Variants in GALNT13 observed in about 807,000 individuals in gnomAD.
GALNT13 encodes the protein polypeptide N-acetylgalactosaminyltransferase 13.
GALNT13 carries 28 observed loss-of-function variants against 64.2 expected under a neutral mutation model. The ratio of observed to expected loss-of-function variants is 0.44; its 90% CI spans 0.32 to 0.60. The LOEUF is 0.60. Among genes scored for constraint, GALNT13 ranks in the 20% least tolerant of loss-of-function variants. The pLI is 0.05. For missense variants in GALNT13, 577 were observed against 669.8 expected, an observed-to-expected ratio of 0.86 and a Z score of 1.53; for synonymous variants, 214 against 224.6, an observed-to-expected ratio of 0.95 and a Z score of 0.42.
the GALNT13 span, among the ~76,000 whole-genome samples, chr2:153,831,252 A>G: frequency 6.6e-6 from 1 of 151,890 alleles, no homozygotes; most frequent in South Asian, 2.1e-4. Flanking sequence ...CAATCCACTT[A>G]TATCTATTAA....
the GALNT13 span, among the ~76,000 whole-genome samples, chr2:153,345,663 C>G: frequency 7.2e-6 from 1 of 138,682 alleles, no homozygotes; most frequent in African/African-American, 2.8e-5. Flanking sequence ...TTCTTTCTTT[C>G]TTTCTTTCTT....
At chr2:153,478,967 G>A in the GALNT13 span, among the ~76,000 whole-genome samples, 94 of 152,248 alleles carry the variant, frequency 6.2e-4, 6 homozygotes, top group Non-Finnish European at 7.3e-5. Context: ...GGTGGAGGAA[G>A]CAAAGGGGCG....
chr2:154,314,560 C>T (rs926808876), intron 9 of GALNT13, among the ~76,000 whole-genome samples: 7 of 152,094 alleles, frequency 4.6e-5, no homozygotes, highest in African/African-American at 9.7e-5. Flanking sequence ...TCAGAATCTG[C>T]CTGGCTTCTG....
In GALNT13 at chr2:154,445,090, T is replaced by A. The variant is rs554624476; in HGVS notation, c.1531-5321T>A. ...CAAGCAAATGAAGACACTAAATAAT[T>A]TTGTGTGTTTTTAAATGAAAAATAA... On this transcript the variant is annotated intron_variant, in intron 12 of 12. Transcript: ENST00000392825. Among the ~76,000 whole-genome samples, 4 of 152,114 alleles carry A rather than the reference T, an allele frequency of 2.6e-5. No homozygotes were observed. The South Asian group carries it at 8.3e-4, about 32-fold the overall frequency.
At chr2:153,970,711 C>T (rs997495514) in intron 3 of GALNT13, among the ~76,000 whole-genome samples, 1 of 152,118 alleles carries the variant, frequency 6.6e-6, no homozygotes, top group Non-Finnish European at 1.5e-5. Flanking sequence ...TCATCAAAAG[C>T]TTTTCTCTTT....
chr2:154,302,754 A>G (rs571354238), intron 9 of GALNT13, among the ~76,000 whole-genome samples: 4 of 152,346 alleles, frequency 2.6e-5, no homozygotes, highest in East Asian at 1.9e-4. Flanking sequence ...CCTAGACTCA[A>G]TAGGAAAGAG....
chr2:154,072,417 G>A (rs998647636), intron 3 of GALNT13, among the ~76,000 whole-genome samples: 58 of 152,038 alleles, frequency 3.8e-4, no homozygotes, highest in African/African-American at 1.4e-3. Flanking sequence ...ACACATTTAT[G>A]TTTAGCTTAT....
chr2:153,894,239 C>T, intron 1 of GALNT13, among the ~76,000 whole-genome samples: 1 of 152,124 alleles, frequency 6.6e-6, no homozygotes, highest in South Asian at 2.1e-4. Context: ...TCTCTCGAGA[C>T]CCCACTTGAG....
chr2:153,681,510 C>A, the GALNT13 span, among the ~76,000 whole-genome samples: 2 of 151,944 alleles, frequency 1.3e-5, no homozygotes, highest in African/African-American at 4.8e-5. Flanking sequence ...TATCTCCCCA[C>A]TCTCTATCAT....
the GALNT13 span, among the ~76,000 whole-genome samples, chr2:153,386,633 C>T: frequency 6.6e-6 from 1 of 151,974 alleles, no homozygotes; most frequent in Non-Finnish European, 1.5e-5. Context: ...CCCATTTGCT[C>T]AGACTTTACT....
chr2:153,719,982 CT>C, the GALNT13 span, among the ~76,000 whole-genome samples: 1 of 151,906 alleles, frequency 6.6e-6, no homozygotes, highest in Non-Finnish European at 1.5e-5. Flanking sequence ...GCCTGCCTGC[CT>C]CTATAGGCTC....
the GALNT13 span, among the ~76,000 whole-genome samples, chr2:153,097,261 C>A: frequency 6.6e-6 from 1 of 151,998 alleles, no homozygotes; most frequent in South Asian, 2.1e-4. Context: ...TTGATCAGTT[C>A]ATCATTTATT....
intron 3 of GALNT13, among the ~76,000 whole-genome samples, chr2:154,038,868 G>C (rs895259196): frequency 1.3e-5 from 2 of 151,958 alleles, no homozygotes; most frequent in East Asian, 3.9e-4. Flanking sequence ...TCCAAGAAGG[G>C]ATTAATATCC....
intron 3 of GALNT13, among the ~76,000 whole-genome samples, chr2:154,024,057 G>C (rs555686732): frequency 1.1e-3 from 172 of 152,316 alleles, no homozygotes; most frequent in African/African-American, 4.0e-3. Flanking sequence ...TTTCTGCCGA[G>C]AGATCAGCTG....
At chr2:153,462,340 T>G in the GALNT13 span, among the ~76,000 whole-genome samples, 1 of 152,154 alleles carries the variant, frequency 6.6e-6, no homozygotes, top group Non-Finnish European at 1.5e-5. Flanking sequence ...AATTATTTGA[T>G]CAAGTAAAAT....
At chr2:153,117,821 T>C in the GALNT13 span, among the ~76,000 whole-genome samples, 3 of 152,144 alleles carry the variant, frequency 2.0e-5, no homozygotes, top group Non-Finnish European at 2.9e-5. Flanking sequence ...TCTGTATTCC[T>C]TATGCTTGTT....
At chr2:153,239,185 T>A in the GALNT13 span, among the ~76,000 whole-genome samples, 5 of 152,182 alleles carry the variant, frequency 3.3e-5, no homozygotes, top group Non-Finnish European at 7.4e-5. Flanking sequence ...TATGGTGATT[T>A]TGTGTATTGC....
the GALNT13 span, among the ~76,000 whole-genome samples, chr2:153,109,199 G>A: frequency 6.6e-6 from 1 of 152,164 alleles, no homozygotes; most frequent in Admixed American, 6.6e-5. Context: ...TTCTAAAGAT[G>A]AAAAAACTGA....
At chr2:153,382,632 G>A in the GALNT13 span, among the ~76,000 whole-genome samples, 5 of 152,104 alleles carry the variant, frequency 3.3e-5, no homozygotes, top group Admixed American at 3.3e-4. Context: ...TAGCAATAGA[G>A]TAATTTTTAC....
Sources: allele counts gnomAD v4.1 joint callset (sites outside exome capture counted in the v4.1 genomes callset), GRCh38; gene constraint gnomAD v4.1.1; transcripts MANE v1.5; gene names NCBI Gene and HGNC (gene_info 2026-07-23, HGNC 2026-07-21).